Variants in KLHL12 observed in about 807,000 individuals in gnomAD.
KLHL12 encodes kelch like family member 12, also known as kelch-like protein 12.
Under a neutral mutation model 60.8 loss-of-function variants are expected in KLHL12, and 17 were observed. That is an observed-to-expected ratio of 0.28 (90% CI 0.19 to 0.42). The LOEUF (loss-of-function observed/expected upper bound fraction) is 0.42, where lower values mean the gene tolerates loss of function less well. KLHL12 is among the 10% of genes least tolerant of loss of function. The pLI is 1.00. For synonymous variants in KLHL12, 220 were observed against 250.9 expected, an observed-to-expected ratio of 0.88 and a Z score of 1.16; for missense variants, 468 against 722.3, an observed-to-expected ratio of 0.65 and a Z score of 4.04.
intron 6 of KLHL12, 80 bp downstream of exon 6, chr1:202,908,930 G>C: frequency 1.1e-6 from 1 of 873,230 alleles, no homozygotes; most frequent in South Asian, 1.4e-5. Context: ...ACTTCTTATA[G>C]AGTATTATTT....
chr1:202,919,541 CTT>C (rs770168346), intron 3 of KLHL12, among the ~76,000 whole-genome samples: 1 of 151,840 alleles, frequency 6.6e-6, no homozygotes, highest in Non-Finnish European at 1.5e-5. Context: ...CAAATGCTCT[CTT>C]TTATAGAGCC....
chr1:202,919,605 C>T (rs1461652894), intron 3 of KLHL12, 150 bp downstream of exon 3: 2 of 657,820 alleles, frequency 3.0e-6, no homozygotes, highest in East Asian at 6.1e-5. Context: ...CATCTGATCT[C>T]TTATTGCTCA....
At chr1:202,894,874 A>T in intron 8 of KLHL12, 125 bp from the exon 9 acceptor site, 1 of 742,736 alleles carries the variant, frequency 1.3e-6, no homozygotes, top group Non-Finnish European at 2.2e-6. Context: ...TTTAAATGAG[A>T]TAAGTCAATT....
chr1:202,895,316 T>TTGGGGAGGTTGAGGC lies in KLHL12; in HGVS notation c.1135+191_1135+205dup, dbSNP rs966996763. ...GCTGAGGTGGGAGGATCGCTTGAGC[T>TTGGGGAGGTTGAGGC]TGGGGAGGTTGAGGCTGCAGTGAGC... is the stretch of plus-strand genomic sequence containing the variant. On this transcript the variant is annotated intron_variant, in intron 8 of 11. Transcript: ENST00000367261. This position sits in a 1 kb window ranked among gnomAD's most constrained non-coding sequence, Gnocchi z 4.2. Among the ~76,000 whole-genome samples, 1 of 152,070 alleles carries TTGGGGAGGTTGAGGC rather than the reference T, an allele frequency of 6.6e-6. No individual in the cohort carries two copies. The highest frequency in any genetic ancestry group is 2.4e-5 in the African/African-American group (1 of 41,390).
At chr1:202,912,640 G>A in intron 4 of KLHL12, 1 of 1,335,902 alleles carries the variant, frequency 7.5e-7, no homozygotes, top group Non-Finnish European at 1.1e-6. Context: ...CCCTATGGCG[G>A]TGGAGGCCAA....
At chr1:202,911,792 T>C in intron 4 of KLHL12, 1 of 696,418 alleles carries the variant, frequency 1.4e-6, no homozygotes, top group Non-Finnish European at 2.6e-6. Flanking sequence ...ATCTTTAAAG[T>C]CTCTCTCCTC....
chr1:202,918,724 A>G (rs1660597687), intron 3 of KLHL12, among the ~76,000 whole-genome samples: 4 of 152,226 alleles, frequency 2.6e-5, no homozygotes. Context: ...AATTCAGCAT[A>G]ATGTATCCAT....
chr1:202,905,844 G>A (rs1309568301), intron 6 of KLHL12, among the ~76,000 whole-genome samples: 19 of 151,426 alleles, frequency 1.3e-4, no homozygotes, highest in Admixed American at 6.6e-4. Context: ...TCACTCTGTC[G>A]CCCAGGCTGG....
In KLHL12 at chr1:202,892,478, C is replaced by G. The variant is rs1174582164; in HGVS notation, c.*55G>C. The G allele has an allele frequency of 3.8e-6, 6 of 1,590,434 alleles. No individual in the cohort carries two copies. Among genetic ancestry groups the G allele is most frequent in the Non-Finnish European group, 4.3e-6 (5 of 1,164,060 alleles). Reference sequence around the variant, plus strand: ...CATTCTGGAAAGGATTTTTGATTCTCCCACTAACTGTCCACTGGACTGGTC... The same window carrying G: ...CATTCTGGAAAGGATTTTTGATTCTGCCACTAACTGTCCACTGGACTGGTC... On this transcript the variant is annotated 3_prime_UTR_variant, in exon 12 of 12. Transcript: ENST00000367261.
chr1:202,928,043 G>A (rs186787715), upstream of KLHL12, among the ~76,000 whole-genome samples: 206 of 151,318 alleles, frequency 1.4e-3, 3 homozygotes, highest in East Asian at 0.01. Context: ...ACTTTGGGAG[G>A]CCGAGACGGG....
At chr1:202,928,537 T>G (rs755240900), upstream of KLHL12, 2 of 1,304,230 alleles carry the variant, frequency 1.5e-6, no homozygotes, top group South Asian at 2.5e-5. Context: ...GCCTCAAATT[T>G]ATTCACGTCC....
chr1:202,892,682 AAAG>A (rs1423303654), intron 11 of KLHL12, 23 bp from the exon 12 acceptor site: 3 of 1,611,340 alleles, frequency 1.9e-6, no homozygotes, highest in Non-Finnish European at 2.5e-6. Context: ...GAAGCAAAAG[AAAG>A]AAATGAGTCA....
chr1:202,926,172 G>C (rs958347732), intron 1 of KLHL12, among the ~76,000 whole-genome samples: 1 of 150,746 alleles, frequency 6.6e-6, no homozygotes, highest in South Asian at 2.1e-4. Flanking sequence ...TGGAAACCAC[G>C]CAAGTTATCG....
chr1:202,919,630 A>C, intron 3 of KLHL12, 125 bp downstream of exon 3: 4 of 822,508 alleles, frequency 4.9e-6, no homozygotes, highest in East Asian at 2.9e-5. Context: ...GACAAAAGCC[A>C]TGGCCAGCAA....
In KLHL12 at chr1:202,927,163, C is replaced by T. The variant is rs553381270; in HGVS notation, c.-120G>A. 5 of 985,326 alleles carry T rather than the reference C, an allele frequency of 5.1e-6. No homozygotes were observed. The highest frequency in any genetic ancestry group is 6.0e-6 in the Non-Finnish European group (5 of 829,948). 61.0% of individuals were successfully genotyped at this position (985,326 alleles called of 1,614,324 possible). ...GGGATGGAGTGCGGCGCGGGGCTAG[C>T]AGGCGGCTCGGGAGGAGCCGAAGCG... On this transcript the variant is annotated 5_prime_UTR_variant, in exon 1 of 12. Coordinates refer to ENST00000367261, the MANE Select transcript of KLHL12 (RefSeq NM_021633.4).
intron 2 of KLHL12, among the ~76,000 whole-genome samples, chr1:202,922,066 T>G (rs1239168304): frequency 1.3e-5 from 2 of 152,208 alleles, no homozygotes; most frequent in African/African-American, 4.8e-5. Flanking sequence ...GTACATGTAT[T>G]CCAGAAATTT....
At chr1:202,912,079 G>A in intron 4 of KLHL12, 1 of 795,850 alleles carries the variant, frequency 1.3e-6, no homozygotes, top group Non-Finnish European at 2.2e-6. Flanking sequence ...ACCAAAGAGA[G>A]CTGTTTCAAG....
In KLHL12 at chr1:202,924,934, G is replaced by A. The variant is rs1391903280; in HGVS notation, c.195+34C>T. The A allele has an allele frequency of 2.5e-6, 4 of 1,594,280 alleles. 1 individual carries two copies. The highest frequency in any genetic ancestry group is 2.3e-5 in the South Asian group (2 of 88,674). Reference sequence around the variant, plus strand: ...GAAATTAGACAACTAGAGTTCCACGGGTTTCATTTGTGTGGGGCTAATTTA... The same window carrying A: ...GAAATTAGACAACTAGAGTTCCACGAGTTTCATTTGTGTGGGGCTAATTTA... On this transcript the variant is annotated intron_variant, in intron 2 of 11. Coordinates refer to ENST00000367261, the MANE Select transcript of KLHL12 (RefSeq NM_021633.4).
intron 6 of KLHL12, among the ~76,000 whole-genome samples, chr1:202,906,554 CAAA>C (rs1036535909): frequency 4.0e-5 from 6 of 149,022 alleles, no homozygotes. Flanking sequence ...CTTGTTAAGA[CAAA>C]AAGAGTTACA....
Sources: gnomAD v4.1 joint callset for allele counts (sites outside exome capture counted in the v4.1 genomes callset) on GRCh38, gnomAD v4.1.1 for gene constraint, Gnocchi (gnomAD v3.1) non-coding constraint, MANE v1.5 for transcripts, NCBI Gene and HGNC (gene_info 2026-07-23, HGNC 2026-07-21) for gene names.